Variants in MPP3 observed in about 807,000 individuals in gnomAD.
The protein encoded by MPP3 is MAGUK p55 subfamily member 3.
A neutral mutation model predicts 80.7 loss-of-function variants in MPP3; 48 were observed. The observed-to-expected ratio is 0.59, with a 90% CI of 0.47 to 0.76. The LOEUF is 0.76. MPP3 is among the 30% of genes least tolerant of loss of function. The probability of loss-of-function intolerance (pLI) is 0.00; values close to 1 mark genes in which losing one functional copy is unlikely to be tolerated. For synonymous variants in MPP3, 311 were observed against 297.6 expected, an observed-to-expected ratio of 1.04 and a Z score of -0.46; for missense variants, 620 against 763.0, an observed-to-expected ratio of 0.81 and a Z score of 2.21.
rs375900586 is a variant in MPP3 at position 43,818,109 on chromosome 17, G to T, written c.883C>A (p.Arg295=). 168 of 1,552,220 alleles carry T rather than the reference G, an allele frequency of 1.1e-4. No individual in the cohort carries two copies. In the African/African-American group the frequency reaches 2.2e-3, roughly 21 times the overall value. ...CCCGCGGCTCTCCGGTAGCTTAGTC[G>T]TCTGCAGGGACACAAGGGGATGGGC... The part of the protein sequence containing the change: ...LIPSKGFQER[R]LSYRRAAGTL... The change falls in exon 12 of 20, where the codon CGA becomes AGA. Residue 295 remains arginine, a splice_region_variant and synonymous_variant. Coordinates refer to ENST00000398389, the MANE Select transcript of MPP3 (RefSeq NM_001932.6).
At chr17:43,816,629 A>T (rs759931656) in intron 13 of MPP3, 48 bp downstream of exon 13, 3 of 1,545,644 alleles carry the variant, frequency 1.9e-6, no homozygotes, top group Non-Finnish European at 2.6e-6. Context: ...CAGACGTTCC[A>T]CGGAAAAGGG....
Position 43,818,095 on chromosome 17 carries a change from C to A in MPP3, c.897G>T (p.Arg299=), listed in dbSNP as rs372176918. The change falls in exon 12 of 20, where the codon CGG becomes CGT. Residue 299 remains arginine, a synonymous_variant. Coordinates refer to ENST00000398389, the MANE Select transcript of MPP3 (RefSeq NM_001932.6). ...KGFQERRLSY[R]RAAGTLPSPQ... ...GGCTCGGCAGGGTGCCCGCGGCTCT[C>A]CGGTAGCTTAGTCGTCTGCAGGGAC... 3.8e-6 allele frequency: 6 copies of A among 1,566,010 alleles called. No individual in the cohort carries two copies. The African/African-American group carries it at 8.2e-5, about 21-fold the overall frequency.
intron 5 of MPP3, 69 bp from the exon 6 acceptor site, chr17:43,830,176 CTCTTT>C: frequency 4.8e-6 from 6 of 1,241,182 alleles, no homozygotes; most frequent in Non-Finnish European, 6.5e-6. Flanking sequence ...TGGGTCCTTC[CTCTTT>C]GGAAGGGCCC....
At position 43,801,631 on chromosome 17, in the gene MPP3, TGGTAAAATGAG is replaced by T; in HGVS notation, c.*59_*69del. On this transcript the variant is annotated 3_prime_UTR_variant, in exon 20 of 20. Transcript: ENST00000398389. Reference sequence around the variant, plus strand: ...CCTCTCTGCGCTTGAGATTCCTTGATGGTAAAATGAGGGAGTCTGGACTAGATGATCTTCAA... The same window carrying T: ...CCTCTCTGCGCTTGAGATTCCTTGATGGAGTCTGGACTAGATGATCTTCAA... 1 of 1,429,122 alleles carries T rather than the reference TGGTAAAATGAG, an allele frequency of 7.0e-7. No homozygotes were observed. The highest frequency in any genetic ancestry group is 2.3e-5 in the East Asian group (1 of 43,658). 88.5% of individuals were successfully genotyped at this position (1,429,122 alleles called of 1,614,324 possible).
intron 12 of MPP3, among the ~76,000 whole-genome samples, chr17:43,817,367 A>G (rs1426850282): frequency 6.6e-6 from 1 of 152,230 alleles, no homozygotes; most frequent in Non-Finnish European, 1.5e-5. Context: ...CAGGGTTCCA[A>G]GAAGTAGGTG....
intron 7 of MPP3, 110 bp downstream of exon 7, chr17:43,829,544 G>A (rs1298527424): frequency 1.5e-6 from 2 of 1,321,904 alleles, no homozygotes; most frequent in African/African-American, 1.4e-5. Context: ...CGCAGGCAAA[G>A]CTGCCGTCAC....
intron 18 of MPP3, among the ~76,000 whole-genome samples, chr17:43,810,531 G>T (rs2044807216): frequency 1.3e-5 from 2 of 152,046 alleles, no homozygotes; most frequent in Admixed American, 6.6e-5. Context: ...ACCAACTATT[G>T]CATGATCTGT....
At chr17:43,815,723 T>C (rs1490881853) in intron 14 of MPP3, 4 of 563,952 alleles carry the variant, frequency 7.1e-6, no homozygotes, top group Admixed American at 2.4e-5. Context: ...CACTGCGTGG[T>C]AGTGGTGTTA....
intron 11 of MPP3, among the ~76,000 whole-genome samples, chr17:43,820,132 A>G (rs1396348945): frequency 3.3e-5 from 5 of 151,922 alleles, no homozygotes; most frequent in Non-Finnish European, 5.9e-5. Flanking sequence ...TTTTGTAGAG[A>G]CAAGGTCTTA....
At chr17:43,811,905 TTTAAAGAATCAC>T (rs1232060925) in intron 16 of MPP3, among the ~76,000 whole-genome samples, 1 of 152,218 alleles carries the variant, frequency 6.6e-6, no homozygotes, top group Admixed American at 6.5e-5. Context: ...TGCTGTGGCT[TTTAAAGAATCAC>T]TTAAGGGACC....
chr17:43,830,039 G>A lies in MPP3; in HGVS notation c.291C>T (p.Thr97=), dbSNP rs778455881. Residue 97 remains threonine, a synonymous_variant, in exon 6 of 20, where the codon ACC becomes ACT. Transcript: ENST00000398389. ...TCTGTGTGACTACCCTCAGGTGCGGGGTGGACAGCAGCTGGAGCAGCTCCC... is the reference window on the plus strand; with the variant it reads ...TCTGTGTGACTACCCTCAGGTGCGGAGTGGACAGCAGCTGGAGCAGCTCCC... ...DERELLQLLS[T]PHLRAVLMVH... is the part of the protein sequence containing the mutation. The A allele has an allele frequency of 1.6e-5, 25 of 1,598,426 alleles. No homozygotes were observed. In the South Asian group the frequency reaches 2.5e-4, roughly 16 times the overall value.
intron 16 of MPP3, among the ~76,000 whole-genome samples, chr17:43,811,738 CATGT>C (rs1351223932): frequency 6.6e-6 from 1 of 152,080 alleles, no homozygotes; most frequent in East Asian, 1.9e-4. Context: ...GAATTACAGG[CATGT>C]ACCACCACAC....
chr17:43,830,385 T>A (rs1567830569), intron 5 of MPP3, among the ~76,000 whole-genome samples: 1 of 152,152 alleles, frequency 6.6e-6, no homozygotes, highest in Non-Finnish European at 1.5e-5. Flanking sequence ...ATGCAGAGGG[T>A]CTTGTTACTT....
chr17:43,802,722 T>C (rs2044461713), intron 19 of MPP3, among the ~76,000 whole-genome samples: 1 of 152,160 alleles, frequency 6.6e-6, no homozygotes, highest in Admixed American at 6.6e-5. Flanking sequence ...AAAATAAAAT[T>C]TGTCGCTGGC....
chr17:43,826,076 G>C (rs2045683269), intron 8 of MPP3, among the ~76,000 whole-genome samples: 1 of 152,254 alleles, frequency 6.6e-6, no homozygotes, highest in Non-Finnish European at 1.5e-5. Flanking sequence ...TGGCACCTGA[G>C]ACCCAGGAAG....
chr17:43,808,183 C>T (rs1159668536), intron 19 of MPP3, among the ~76,000 whole-genome samples: 2 of 152,172 alleles, frequency 1.3e-5, no homozygotes, highest in African/African-American at 2.4e-5. Flanking sequence ...CTTGACTCAG[C>T]GGGAGCTTCC....
At chr17:43,805,224 C>T (rs1238580906) in intron 19 of MPP3, among the ~76,000 whole-genome samples, 2 of 152,176 alleles carry the variant, frequency 1.3e-5, no homozygotes, top group Non-Finnish European at 2.9e-5. Context: ...AAAAGATGCT[C>T]AACTTCACTG....
In MPP3 at chr17:43,816,107, CAGTG is replaced by C. The variant is rs751775000; in HGVS notation, c.968-32_968-29del. 4.6e-6 allele frequency: 7 copies of C among 1,505,920 alleles called. No homozygotes were observed. In the South Asian group the frequency reaches 7.8e-5, roughly 17 times the overall value. The allele number at this position is 1,505,920 out of a possible 1,614,324, so 93.3% of individuals were successfully genotyped here. A position where few individuals can be genotyped will look rare whatever the true frequency, so the allele number is the denominator to read the frequency against. Reference sequence around the variant, plus strand: ...GGGAAGCAAACAGAGGGAGGGAAGCCAGTGAGTCCCACCAGACACATCCGGCCCA... The same window carrying C: ...GGGAAGCAAACAGAGGGAGGGAAGCCAGTCCCACCAGACACATCCGGCCCA... On this transcript the variant is annotated intron_variant, in intron 13 of 19. Transcript: ENST00000398389.
intron 5 of MPP3, 109 bp from the exon 6 acceptor site, chr17:43,830,216 C>A (rs1444636872): frequency 5.7e-6 from 4 of 700,104 alleles, no homozygotes; most frequent in Non-Finnish European, 8.8e-6. Context: ...CCCAGGGGCA[C>A]ACCAGACCCT....
Sources: allele counts gnomAD v4.1 joint callset (sites outside exome capture counted in the v4.1 genomes callset), GRCh38; gene constraint gnomAD v4.1.1; transcripts MANE v1.5; gene names NCBI Gene and HGNC (gene_info 2026-07-23, HGNC 2026-07-21).